NLGN1: variants seen among roughly 807,000 people sequenced by gnomAD.
NLGN1 encodes neuroligin 1, also known as neuroligin-1.
Under a neutral mutation model 65.5 loss-of-function variants are expected in NLGN1, and 12 were observed. The observed-to-expected ratio is 0.18, with a 90% CI of 0.12 to 0.30. The LOEUF (loss-of-function observed/expected upper bound fraction) is 0.30. Among genes scored for constraint, NLGN1 ranks in the 10% least tolerant of loss-of-function variants. NLGN1 has a pLI of 1.00. For missense variants in NLGN1, 750 were observed against 1,007.1 expected, an observed-to-expected ratio of 0.74 and a Z score of 3.46; for synonymous variants, 350 against 359.5, an observed-to-expected ratio of 0.97 and a Z score of 0.30.
intron 4 of NLGN1, among the ~76,000 whole-genome samples, chr3:174,015,160 A>C (rs2152448616): frequency 6.6e-6 from 1 of 152,232 alleles, no homozygotes; most frequent in East Asian, 1.9e-4. Context: ...CATTATTTTA[A>C]TTTTATGGTT....
chr3:173,692,283 T>C (rs973728359), intron 3 of NLGN1, among the ~76,000 whole-genome samples: 2 of 152,124 alleles, frequency 1.3e-5, no homozygotes, highest in Non-Finnish European at 2.9e-5. Context: ...AGTCACCGTC[T>C]CCTCAGATAT....
At chr3:174,018,815 C>T (rs1180671113) in intron 4 of NLGN1, among the ~76,000 whole-genome samples, 1 of 152,038 alleles carries the variant, frequency 6.6e-6, no homozygotes, top group Non-Finnish European at 1.5e-5. Context: ...TATCCAAATA[C>T]TTCTGTGCAT....
chr3:174,054,512 T>C (rs1412937175), intron 4 of NLGN1, among the ~76,000 whole-genome samples: 1 of 152,044 alleles, frequency 6.6e-6, no homozygotes, highest in Non-Finnish European at 1.5e-5. Context: ...TTCTCTATTT[T>C]AGTTTCTTTC....
intron 4 of NLGN1, among the ~76,000 whole-genome samples, chr3:174,071,971 A>T (rs1739981993): frequency 6.6e-6 from 1 of 152,142 alleles, no homozygotes; most frequent in Admixed American, 6.6e-5. Context: ...GAATGTCTTT[A>T]AAAAAGATTT....
At chr3:173,747,411 A>G (rs1419720167) in intron 3 of NLGN1, among the ~76,000 whole-genome samples, 1 of 147,318 alleles carries the variant, frequency 6.8e-6, no homozygotes, top group Non-Finnish European at 1.5e-5. Context: ...TATATATAAT[A>G]TATTTAGTAC....
intron 3 of NLGN1, among the ~76,000 whole-genome samples, chr3:173,638,817 G>A (rs776519718): frequency 5.3e-5 from 8 of 152,068 alleles, no homozygotes; most frequent in Non-Finnish European, 1.0e-4. Context: ...TAATTTTGGA[G>A]GAAAGAATTC....
intron 2 of NLGN1, among the ~76,000 whole-genome samples, chr3:173,511,560 G>A (rs1210526270): frequency 6.6e-6 from 1 of 152,124 alleles, no homozygotes; most frequent in Non-Finnish European, 1.5e-5. Context: ...TTCAAATATT[G>A]CTTCTGTTTC....
chr3:173,753,972 A>AATATAATATAATATAATATC (rs1415761967), intron 3 of NLGN1, among the ~76,000 whole-genome samples: 3 of 147,002 alleles, frequency 2.0e-5, no homozygotes, highest in African/African-American at 7.4e-5. Flanking sequence ...AATATAATAT[A>AATATAATATAATATAATATC]ATATCTACTC....
chr3:173,419,972 A>AAAAAT (rs750740710), intron 1 of NLGN1, among the ~76,000 whole-genome samples: 4,326 of 142,718 alleles, frequency 0.03, 130 homozygotes, highest in African/African-American at 0.062. Flanking sequence ...ACTCAGTCTC[A>AAAAAT]AAAATAAAAT....
chr3:174,085,417 T>G (rs1743040400), intron 4 of NLGN1, among the ~76,000 whole-genome samples: 1 of 152,068 alleles, frequency 6.6e-6, no homozygotes, highest in Admixed American at 6.6e-5. Context: ...TAAAGTCATT[T>G]CTTGGGCAAT....
intron 4 of NLGN1, among the ~76,000 whole-genome samples, chr3:173,989,025 T>C (rs1272747175): frequency 6.6e-6 from 1 of 152,150 alleles, no homozygotes; most frequent in Non-Finnish European, 1.5e-5. Context: ...GAGAATAATT[T>C]TGATGAGTTG....
At chr3:174,024,267 A>G (rs1222593527) in intron 4 of NLGN1, among the ~76,000 whole-genome samples, 1 of 152,116 alleles carries the variant, frequency 6.6e-6, no homozygotes, top group Non-Finnish European at 1.5e-5. Context: ...ATTCCTATCA[A>G]TAGGAGTTTG....
At chr3:173,960,036 C>T (rs920312123) in intron 4 of NLGN1, among the ~76,000 whole-genome samples, 3 of 151,980 alleles carry the variant, frequency 2.0e-5, no homozygotes, top group African/African-American at 7.2e-5. Flanking sequence ...CATTCGAAAA[C>T]ATTTTCTCAG....
chr3:174,172,498 G>A (rs928894226), intron 4 of NLGN1, among the ~76,000 whole-genome samples: 1 of 151,958 alleles, frequency 6.6e-6, no homozygotes, highest in Admixed American at 6.6e-5. Flanking sequence ...TTTGTATGTG[G>A]CAAGAGATAG....
chr3:173,834,401 T>A (rs1723190031), intron 4 of NLGN1, among the ~76,000 whole-genome samples: 1 of 152,140 alleles, frequency 6.6e-6, no homozygotes. Flanking sequence ...AGTTTTAAAA[T>A]TTTACTATAT....
chr3:173,962,456 C>T lies in NLGN1; in HGVS notation c.646+154624C>T, dbSNP rs573218720. On this transcript the variant is annotated intron_variant, in intron 4 of 6. Transcript: ENST00000457714. ...ACCCCAAATGTGTGTTTGGTAGATA[C>T]TCTACCATGGACTGTCACATTTTAT... Among the ~76,000 whole-genome samples the T allele has an allele frequency of 2.0e-5, 3 of 152,208 alleles. No homozygotes were observed. In the South Asian group the frequency reaches 6.2e-4, roughly 32 times the overall value.
intron 1 of NLGN1, among the ~76,000 whole-genome samples, chr3:173,416,615 T>C (rs762785697): frequency 3.0e-4 from 45 of 152,332 alleles, no homozygotes; most frequent in Non-Finnish European, 5.0e-4. Context: ...AGGCTTTTTC[T>C]GGTAAAAGAC....
intron 4 of NLGN1, among the ~76,000 whole-genome samples, chr3:174,242,308 G>A (rs1207407266): frequency 6.6e-6 from 1 of 151,872 alleles, no homozygotes; most frequent in Non-Finnish European, 1.5e-5. Flanking sequence ...CAAGAGAATC[G>A]CTTGAACCTG....
chr3:173,892,212 A>G (rs1180411694), intron 4 of NLGN1, among the ~76,000 whole-genome samples: 2 of 134,774 alleles, frequency 1.5e-5, no homozygotes, highest in Admixed American at 1.5e-4. Flanking sequence ...ATTTTTATGT[A>G]TTTGTATGTT....
Sources: allele counts gnomAD v4.1 joint callset (sites outside exome capture counted in the v4.1 genomes callset), GRCh38; gene constraint gnomAD v4.1.1; transcripts MANE v1.5; gene names NCBI Gene and HGNC (gene_info 2026-07-23, HGNC 2026-07-21).